The following ADK variants were observed in gnomAD, a reference collection of about 807,000 sequenced individuals.
ADK encodes N6,N6-dimethyladenosine kinase.
ADK carries 24 observed loss-of-function variants against 44.7 expected under a neutral mutation model. The ratio of observed to expected loss-of-function variants is 0.54; its 90% CI spans 0.39 to 0.76. The LOEUF (loss-of-function observed/expected upper bound fraction) is 0.76, where lower values mean the gene tolerates loss of function less well. Among genes scored for constraint, ADK ranks in the 30% least tolerant of loss-of-function variants. ADK has a pLI of 0.00. For synonymous variants in ADK, 128 were observed against 142.6 expected, an observed-to-expected ratio of 0.90 and a Z score of 0.73; for missense variants, 321 against 425.1, an observed-to-expected ratio of 0.76 and a Z score of 2.15.
intron 7 of ADK, among the ~76,000 whole-genome samples, chr10:74,546,184 A>C (rs537681036): frequency 3.7e-4 from 57 of 152,202 alleles, no homozygotes; most frequent in Non-Finnish European, 7.4e-4. Context: ...ATTTTGCGTG[A>C]TGCTGAGGAT....
intron 4 of ADK, among the ~76,000 whole-genome samples, chr10:74,377,574 C>G (rs1294590952): frequency 6.6e-6 from 1 of 152,164 alleles, no homozygotes; most frequent in Non-Finnish European, 1.5e-5. Context: ...TGCACATTCT[C>G]TGTAAACTGA....
chr10:74,259,902 C>A (rs535932657), intron 3 of ADK, among the ~76,000 whole-genome samples: 1 of 152,080 alleles, frequency 6.6e-6, no homozygotes, highest in Non-Finnish European at 1.5e-5. Context: ...TTTGCTCACT[C>A]GTCTTGTATT....
intron 4 of ADK, among the ~76,000 whole-genome samples, chr10:74,370,877 G>A (rs1452038289): frequency 6.6e-6 from 1 of 151,932 alleles, no homozygotes; most frequent in East Asian, 1.9e-4. Context: ...CCCAGGCTAG[G>A]GTAAACTTTT....
intron 2 of ADK, among the ~76,000 whole-genome samples, chr10:74,203,385 G>A (rs1458979101): frequency 6.6e-6 from 1 of 151,772 alleles, no homozygotes; most frequent in African/African-American, 2.4e-5. Context: ...TGGAGACAGG[G>A]TCTTGCTCTG....
chr10:74,322,992 A>C (rs1218718798), intron 4 of ADK, among the ~76,000 whole-genome samples: 1 of 152,218 alleles, frequency 6.6e-6, no homozygotes, highest in Non-Finnish European at 1.5e-5. Flanking sequence ...TATCCACTTC[A>C]TAAAAGAATG....
At chr10:74,433,043 G>C (rs1401194155) in intron 6 of ADK, among the ~76,000 whole-genome samples, 1 of 152,074 alleles carries the variant, frequency 6.6e-6, no homozygotes, top group Non-Finnish European at 1.5e-5. Flanking sequence ...CTTTTAGTTG[G>C]AAATGCCTTT....
At chr10:74,419,328 C>G (rs1298272537) in intron 6 of ADK, among the ~76,000 whole-genome samples, 1 of 152,038 alleles carries the variant, frequency 6.6e-6, no homozygotes, top group East Asian at 1.9e-4. Flanking sequence ...TATTTCCCCC[C>G]CCCAAAAATC....
At chr10:74,307,715 A>C (rs990861279) in intron 3 of ADK, among the ~76,000 whole-genome samples, 3 of 152,206 alleles carry the variant, frequency 2.0e-5, no homozygotes, top group African/African-American at 7.2e-5. Context: ...CTCTCTCTCC[A>C]TATCTATTAC....
At chr10:74,700,959 G>A (rs1048514578) in intron 10 of ADK, among the ~76,000 whole-genome samples, 1 of 151,976 alleles carries the variant, frequency 6.6e-6, no homozygotes, top group African/African-American at 2.4e-5. Context: ...CCCCAAAGGG[G>A]GTAAAAAAGA....
chr10:74,335,136 C>A (rs937331562), intron 4 of ADK, among the ~76,000 whole-genome samples: 1 of 152,154 alleles, frequency 6.6e-6, no homozygotes, highest in Non-Finnish European at 1.5e-5. Context: ...GTCTACCTGC[C>A]CTGTGACCAA....
At chr10:74,538,255 CAA>C (rs535509115) in intron 7 of ADK, among the ~76,000 whole-genome samples, 33 of 85,134 alleles carry the variant, frequency 3.9e-4, no homozygotes, top group Non-Finnish European at 4.3e-4. Context: ...CTCCGTCTCA[CAA>C]AAAAAAAAAA....
intron 1 of ADK, among the ~76,000 whole-genome samples, chr10:74,196,434 GGAGGCT>G (rs1367843849): frequency 2.6e-5 from 4 of 152,080 alleles, no homozygotes; most frequent in Admixed American, 6.5e-5. Flanking sequence ...CAGCTACTTG[GGAGGCT>G]GAGGCAGGAG....
At chr10:74,643,775 C>G (rs1368272938) in intron 9 of ADK, among the ~76,000 whole-genome samples, 2 of 152,146 alleles carry the variant, frequency 1.3e-5, no homozygotes, top group African/African-American at 2.4e-5. Context: ...CATTGGCACA[C>G]TATATTTATC....
chr10:74,634,284 G>A (rs931910649), intron 9 of ADK, among the ~76,000 whole-genome samples: 3 of 151,790 alleles, frequency 2.0e-5, no homozygotes, highest in African/African-American at 4.8e-5. Flanking sequence ...GCGCGATCTC[G>A]GCTCACTACA....
At chr10:74,671,611 A>G (rs1855189810) in intron 10 of ADK, among the ~76,000 whole-genome samples, 2 of 152,214 alleles carry the variant, frequency 1.3e-5, no homozygotes, top group African/African-American at 4.8e-5. Context: ...TTTTAGAGCT[A>G]TAGATGTATG....
intron 6 of ADK, among the ~76,000 whole-genome samples, chr10:74,515,556 G>A (rs866082582): frequency 7.9e-5 from 12 of 152,164 alleles, no homozygotes; most frequent in Non-Finnish European, 1.6e-4. Context: ...CCTGTGGCAC[G>A]GGGGCAGTCT....
intron 10 of ADK, among the ~76,000 whole-genome samples, chr10:74,705,656 C>T (rs1242157265): frequency 6.6e-6 from 1 of 152,150 alleles, no homozygotes; most frequent in East Asian, 1.9e-4. Flanking sequence ...GGGTAAATAC[C>T]TAGAAATAGA....
intron 10 of ADK, among the ~76,000 whole-genome samples, chr10:74,696,866 C>A (rs1856227764): frequency 6.6e-6 from 1 of 152,046 alleles, no homozygotes; most frequent in South Asian, 2.1e-4. Context: ...TATGGATGGC[C>A]ATGGAGCTGC....
intron 6 of ADK, among the ~76,000 whole-genome samples, chr10:74,508,040 T>G (rs1848150837): frequency 6.6e-6 from 1 of 152,174 alleles, no homozygotes; most frequent in Non-Finnish European, 1.5e-5. Flanking sequence ...TTATTCTATA[T>G]GACTGAAGCA....
Sources: allele counts gnomAD v4.1 joint callset (sites outside exome capture counted in the v4.1 genomes callset), GRCh38; gene constraint gnomAD v4.1.1; transcripts MANE v1.5; gene names NCBI Gene and HGNC (gene_info 2026-07-23, HGNC 2026-07-21).